Variants in CDKAL1 observed in about 807,000 individuals in gnomAD.
CDKAL1 encodes CDKAL1 threonylcarbamoyladenosine tRNA methylthiotransferase.
CDKAL1 carries 32 observed loss-of-function variants against 68.2 expected under a neutral mutation model. The ratio of observed to expected loss-of-function variants is 0.47; its 90% CI spans 0.35 to 0.63. CDKAL1 has a LOEUF of 0.63. Ranked by LOEUF, CDKAL1 falls within the 30% of genes least tolerant of loss-of-function variation. The probability of loss-of-function intolerance (pLI) is 0.00; values close to 1 mark genes in which losing one functional copy is unlikely to be tolerated. For missense variants in CDKAL1, 606 were observed against 696.7 expected (o/e 0.87, Z 1.47); for synonymous variants, 234 against 244.3 (o/e 0.96, Z 0.39).
At chr6:20,734,427 A>T (rs1356929217) in intron 5 of CDKAL1, among the ~76,000 whole-genome samples, 2 of 152,206 alleles carry the variant, frequency 1.3e-5, no homozygotes, top group East Asian at 3.8e-4. Flanking sequence ...TATTATTCTT[A>T]TCACCATTCA....
chr6:20,934,657 C>T (rs1158547362), intron 9 of CDKAL1, among the ~76,000 whole-genome samples: 1 of 151,904 alleles, frequency 6.6e-6, no homozygotes, highest in Non-Finnish European at 1.5e-5. Flanking sequence ...CCAGGCATGG[C>T]AACGTAGTGA....
intron 5 of CDKAL1, among the ~76,000 whole-genome samples, chr6:20,664,183 C>T (rs1310700805): frequency 6.6e-6 from 1 of 152,058 alleles, no homozygotes. Flanking sequence ...CGAGAACTAC[C>T]CAGATATAAT....
chr6:21,076,868 AT>A lies in CDKAL1; in HGVS notation c.1236+11644del, dbSNP rs965163694. ...ACACATCATTTTTGTTTTTACTTCC[AT>A]TTTCGATGGAGTTTTTAGCCTGCCC... On this transcript the variant is annotated intron_variant, in intron 12 of 15. Coordinates refer to ENST00000274695, the MANE Select transcript of CDKAL1 (RefSeq NM_017774.3). Among the ~76,000 whole-genome samples the A allele has an allele frequency of 7.8e-4, 119 of 151,848 alleles. 1 individual carries two copies. The highest frequency in any genetic ancestry group is 2.8e-3 in the African/African-American group (114 of 41,394).
At chr6:20,607,997 A>G (rs1766408185) in intron 4 of CDKAL1, among the ~76,000 whole-genome samples, 1 of 152,146 alleles carries the variant, frequency 6.6e-6, no homozygotes, top group African/African-American at 2.4e-5. Flanking sequence ...ACCCAGCCCA[A>G]GGTAACTCTT....
chr6:20,772,678 A>G (rs1561765079), intron 7 of CDKAL1, among the ~76,000 whole-genome samples: 1 of 152,204 alleles, frequency 6.6e-6, no homozygotes, highest in Non-Finnish European at 1.5e-5. Flanking sequence ...ATTCCAATGA[A>G]TGTTTTCATC....
chr6:20,923,903 C>G (rs1763068185), intron 9 of CDKAL1, among the ~76,000 whole-genome samples: 1 of 150,684 alleles, frequency 6.6e-6, no homozygotes, highest in Non-Finnish European at 1.5e-5. Flanking sequence ...ACCTAGCTAC[C>G]AGGGAGGCTG....
chr6:20,730,660 C>T (rs1282740219), intron 5 of CDKAL1, among the ~76,000 whole-genome samples: 1 of 151,804 alleles, frequency 6.6e-6, no homozygotes, highest in Non-Finnish European at 1.5e-5. Context: ...GCCTGGCCAA[C>T]ATGGTAAAAC....
At chr6:20,589,736 G>A (rs937580857) in intron 4 of CDKAL1, among the ~76,000 whole-genome samples, 1 of 151,964 alleles carries the variant, frequency 6.6e-6, no homozygotes, top group African/African-American at 2.4e-5. Flanking sequence ...TCATATTTCA[G>A]TGAAATTTCT....
In CDKAL1 at chr6:20,834,840, A is replaced by G. The variant is rs1453646543; in HGVS notation, c.639-11235A>G. Among the ~76,000 whole-genome samples the G allele has an allele frequency of 4.6e-5, 7 of 152,258 alleles. No homozygotes were observed. In the East Asian group the frequency reaches 1.2e-3, roughly 25 times the overall value. On this transcript the variant is annotated intron_variant, in intron 8 of 15. Transcript: ENST00000274695. ...AATTGGCATTATGGATGAGGACAGGAAGCAAAATAGAAAAGGCAAGTCCAT... is the reference window on the plus strand; with the variant it reads ...AATTGGCATTATGGATGAGGACAGGGAGCAAAATAGAAAAGGCAAGTCCAT...
intron 9 of CDKAL1, among the ~76,000 whole-genome samples, chr6:20,848,023 G>GCCCC (rs746919659): frequency 3.9e-5 from 6 of 152,132 alleles, no homozygotes; most frequent in Non-Finnish European, 7.4e-5. Context: ...GGTGGTCCAT[G>GCCCC]GTCAGTCTGA....
chr6:20,649,456 T>C, intron 5 of CDKAL1, 79 bp downstream of exon 5: 1 of 759,236 alleles, frequency 1.3e-6, no homozygotes. Flanking sequence ...TTTAAAAATG[T>C]CAATATAGAT....
chr6:21,082,661 T>A (rs1438147451), intron 12 of CDKAL1, among the ~76,000 whole-genome samples: 2 of 152,170 alleles, frequency 1.3e-5, no homozygotes, highest in African/African-American at 2.4e-5. Context: ...ATTTTTAAAC[T>A]TCTTAAAAAT....
At chr6:20,683,619 T>A (rs560473236) in intron 5 of CDKAL1, among the ~76,000 whole-genome samples, 8 of 152,220 alleles carry the variant, frequency 5.3e-5, no homozygotes, top group Non-Finnish European at 7.4e-5. Context: ...AGATGTTCCA[T>A]ATATCCCCTG....
At chr6:20,725,938 T>C (rs372392632) in intron 5 of CDKAL1, among the ~76,000 whole-genome samples, 3 of 152,090 alleles carry the variant, frequency 2.0e-5, no homozygotes, top group African/African-American at 7.2e-5. Flanking sequence ...CCCTATATAA[T>C]ATGCCTTACT....
chr6:20,947,900 G>A (rs766712947), intron 9 of CDKAL1, among the ~76,000 whole-genome samples: 8 of 151,802 alleles, frequency 5.3e-5, no homozygotes, highest in Non-Finnish European at 1.0e-4. Flanking sequence ...CCTAAGTTGA[G>A]CCATTGTAAG....
intron 10 of CDKAL1, among the ~76,000 whole-genome samples, chr6:20,991,802 G>A (rs1766822006): frequency 6.8e-6 from 1 of 148,088 alleles, no homozygotes; most frequent in Non-Finnish European, 1.5e-5. Context: ...CATGGCTCCA[G>A]TTCAGGGGTT....
chr6:21,113,747 G>T (rs1410773537), intron 13 of CDKAL1, among the ~76,000 whole-genome samples: 4 of 151,392 alleles, frequency 2.6e-5, no homozygotes, highest in African/African-American at 9.7e-5. Flanking sequence ...GGAATTACAG[G>T]CATGAGCCAC....
At chr6:20,747,941 A>G (rs1307368244) in intron 6 of CDKAL1, among the ~76,000 whole-genome samples, 1 of 152,168 alleles carries the variant, frequency 6.6e-6, no homozygotes, top group African/African-American at 2.4e-5. Context: ...CCCTATGTTT[A>G]AGGAGAGAGA....
intron 12 of CDKAL1, among the ~76,000 whole-genome samples, chr6:21,071,432 T>G (rs1183425741): frequency 1.3e-5 from 2 of 152,202 alleles, no homozygotes; most frequent in Non-Finnish European, 2.9e-5. Flanking sequence ...TGCGGAACTG[T>G]GAGCCAATTA....
Sources: allele counts gnomAD v4.1 joint callset (sites outside exome capture counted in the v4.1 genomes callset), GRCh38; gene constraint gnomAD v4.1.1; transcripts MANE v1.5; gene names NCBI Gene and HGNC (gene_info 2026-07-23, HGNC 2026-07-21).